Variants in NEDD4L observed in about 807,000 individuals in gnomAD.
NEDD4L encodes NEDD4 like E3 ubiquitin protein ligase, also known as E3 ubiquitin-protein ligase NEDD4-like.
A neutral mutation model predicts 148.9 loss-of-function variants in NEDD4L; 54 were observed. The observed-to-expected ratio is 0.36, with a 90% CI of 0.29 to 0.45. NEDD4L has a LOEUF of 0.45. Among genes scored for constraint, NEDD4L ranks in the 20% least tolerant of loss-of-function variants. The pLI is 1.00. For synonymous variants in NEDD4L, 433 were observed against 440.7 expected, an observed-to-expected ratio of 0.98 and a Z score of 0.22; for missense variants, 856 against 1,233.8, an observed-to-expected ratio of 0.69 and a Z score of 4.59.
At chr18:58,309,474 C>G (rs2057425990) in intron 5 of NEDD4L, among the ~76,000 whole-genome samples, 1 of 152,154 alleles carries the variant, frequency 6.6e-6, no homozygotes, top group Non-Finnish European at 1.5e-5. Context: ...CCCCCAGACC[C>G]TGTGGCTGCT....
At chr18:58,155,087 A>G (rs1470304200) in intron 1 of NEDD4L, among the ~76,000 whole-genome samples, 6 of 152,204 alleles carry the variant, frequency 3.9e-5, no homozygotes, top group Non-Finnish European at 7.3e-5. Flanking sequence ...CATGGACACA[A>G]TCTAGCATCA....
At chr18:58,150,454 G>A (rs75183521) in intron 1 of NEDD4L, among the ~76,000 whole-genome samples, 3 of 152,200 alleles carry the variant, frequency 2.0e-5, no homozygotes, top group African/African-American at 7.2e-5. Flanking sequence ...TCGAGCTCCC[G>A]ACCTCAGGTG....
chr18:58,127,773 G>A (rs546921639), intron 1 of NEDD4L, among the ~76,000 whole-genome samples: 58 of 150,386 alleles, frequency 3.9e-4, no homozygotes, highest in South Asian at 1.3e-3. Context: ...CACGGGAGGC[G>A]GAGTTTGCAG....
At chr18:58,184,872 G>C (rs1304022545) in intron 2 of NEDD4L, among the ~76,000 whole-genome samples, 1 of 151,882 alleles carries the variant, frequency 6.6e-6, no homozygotes, top group Non-Finnish European at 1.5e-5. Flanking sequence ...AGCTTGCAGG[G>C]AGCCGAGATG....
rs2050617286 is a variant in NEDD4L, at chr18:58,398,185, A to G, written c.*1916A>G. 6.8e-6 allele frequency: 1 copy of G among 147,292 alleles called. No individual in the cohort carries two copies. Among genetic ancestry groups the G allele is most frequent in the Admixed American group, 6.7e-5 (1 of 14,862 alleles). The allele number at this position is 147,292 out of a possible 1,614,324, so 9.1% of individuals were successfully genotyped here. A position where few individuals can be genotyped will look rare whatever the true frequency, so the allele number is the denominator to read the frequency against. On this transcript the variant is annotated 3_prime_UTR_variant, in exon 31 of 31. Transcript: ENST00000400345. ...AAAAAAAAAAAAAAAAAAAAAAAAA[A>G]AAAAAAAAATTCCCGCTCATGAGTT... is the stretch of plus-strand genomic sequence containing the variant.
chr18:58,201,061 A>C (rs1403760274), intron 2 of NEDD4L, among the ~76,000 whole-genome samples: 1 of 152,216 alleles, frequency 6.6e-6, no homozygotes, highest in African/African-American at 2.4e-5. Context: ...AGGCTGGTGC[A>C]TTGGCTCACG....
At chr18:58,106,895 G>A (rs2085099361) in intron 1 of NEDD4L, among the ~76,000 whole-genome samples, 1 of 152,050 alleles carries the variant, frequency 6.6e-6, no homozygotes, top group African/African-American at 2.4e-5. Context: ...TGACACGGCA[G>A]GAGAATGATG....
chr18:58,359,999 C>G (rs547248643), intron 19 of NEDD4L: 1 of 152,230 alleles, frequency 6.6e-6, no homozygotes, highest in Non-Finnish European at 1.5e-5. Flanking sequence ...AAATTATTTT[C>G]CCTCAGTGCT....
chr18:58,325,148 C>T lies in NEDD4L; in HGVS notation c.666C>T (p.His222=). 3.7e-6 allele frequency: 6 copies of T among 1,613,940 alleles called. No individual in the cohort carries two copies. The highest frequency in any genetic ancestry group is 5.1e-6 in the Non-Finnish European group (6 of 1,179,878). Residue 222 remains histidine (H), a synonymous_variant, in exon 9 of 31, where the codon CAC becomes CAT. Coordinates refer to ENST00000400345, the MANE Select transcript of NEDD4L (RefSeq NM_001144967.3). ...VNHNNRTTQW[H]RPSLMDVSSE... ...ACAACAACCGGACCACTCAGTGGCA[C>T]AGACCAAGCCTGATGTGAGTACCGT... is the stretch of plus-strand genomic sequence containing the variant.
intron 1 of NEDD4L, among the ~76,000 whole-genome samples, chr18:58,100,666 TA>T (rs1341796364): frequency 6.6e-6 from 1 of 152,210 alleles, no homozygotes; most frequent in African/African-American, 2.4e-5. Flanking sequence ...GGCAAGGCCT[TA>T]AAAACAAACA....
At chr18:58,326,879 A>G (rs546918850) in intron 9 of NEDD4L, among the ~76,000 whole-genome samples, 502 of 152,286 alleles carry the variant, frequency 3.3e-3, no homozygotes, top group Middle Eastern at 6.8e-3. Context: ...CACTTCATAC[A>G]TTTTAAAATA....
intron 2 of NEDD4L, among the ~76,000 whole-genome samples, chr18:58,230,076 C>T (rs116675832): frequency 0.012 from 1,794 of 152,228 alleles, 35 homozygotes; most frequent in African/African-American, 0.041. Flanking sequence ...TGAAAAATGA[C>T]GCTAAGAATG....
intron 1 of NEDD4L, among the ~76,000 whole-genome samples, chr18:58,109,561 G>GTTTTTTT (rs772954089): frequency 2.9e-5 from 4 of 135,948 alleles, no homozygotes; most frequent in African/African-American, 1.1e-4. Context: ...CAACTAGGAG[G>GTTTTTTT]TTTTTTTTTT....
chr18:58,272,921 T>C (rs1313876813), intron 5 of NEDD4L, among the ~76,000 whole-genome samples: 1 of 152,176 alleles, frequency 6.6e-6, no homozygotes. Context: ...TTCATGAATG[T>C]GCCAAAGGAG....
chr18:58,218,127 G>A (rs1365901777), intron 2 of NEDD4L, among the ~76,000 whole-genome samples: 1 of 152,156 alleles, frequency 6.6e-6, no homozygotes, highest in Non-Finnish European at 1.5e-5. Context: ...CAGTCTTCAT[G>A]CTTTTCTTAT....
At chr18:58,380,224 C>T (rs1039431466) in intron 24 of NEDD4L, among the ~76,000 whole-genome samples, 5 of 151,032 alleles carry the variant, frequency 3.3e-5, no homozygotes, top group African/African-American at 7.3e-5. Context: ...CAGAATTATT[C>T]TCTGTAAGCA....
At chr18:58,212,957 CAGCT>C (rs80039576) in intron 2 of NEDD4L, among the ~76,000 whole-genome samples, 66,919 of 151,466 alleles carry the variant, frequency 0.44, 16,122 homozygotes, top group African/African-American at 0.65. Context: ...CAAATGCAGA[CAGCT>C]AGCTGGCAAA....
rs2029921857 is a variant in NEDD4L, at chr18:58,121,656, G to A, written c.49-44132G>A. Among the ~76,000 whole-genome samples the A allele has an allele frequency of 2.6e-5, 4 of 152,166 alleles. No individual in the cohort carries two copies. The South Asian group carries it at 8.3e-4, about 32-fold the overall frequency. ...ACTCCTGGGCTCAAGTCATCATCCT[G>A]TGTTGGCTTTCGAAAGTGCTGGGAT... On this transcript the variant is annotated intron_variant, in intron 1 of 30. Transcript: ENST00000400345.
intron 23 of NEDD4L, 105 bp downstream of exon 23, chr18:58,370,572 C>G: frequency 2.7e-6 from 2 of 751,292 alleles, no homozygotes; most frequent in Middle Eastern, 2.3e-4. Context: ...ATGGGTGTTG[C>G]ATTCCATGTG....
Sources: allele counts gnomAD v4.1 joint callset (sites outside exome capture counted in the v4.1 genomes callset), GRCh38; gene constraint gnomAD v4.1.1; transcripts MANE v1.5; gene names NCBI Gene and HGNC (gene_info 2026-07-23, HGNC 2026-07-21).